The following VWF variants were observed in gnomAD, a reference collection of about 807,000 sequenced individuals.
VWF encodes the protein von Willebrand factor.
A neutral mutation model predicts 308.6 loss-of-function variants in VWF; 176 were observed. The ratio of observed to expected loss-of-function variants is 0.57; its 90% CI spans 0.50 to 0.65. VWF has a LOEUF of 0.65. Ranked by LOEUF, VWF falls within the 30% of genes least tolerant of loss-of-function variation. VWF has a pLI of 0.00. For synonymous variants in VWF, 1,385 were observed against 1,443.4 expected, an observed-to-expected ratio of 0.96 and a Z score of 0.92; for missense variants, 3,146 against 3,648.2, an observed-to-expected ratio of 0.86 and a Z score of 3.55.
At chr12:6,065,680 C>T (rs1489061679) in intron 10 of VWF, among the ~76,000 whole-genome samples, 2 of 152,218 alleles carry the variant, frequency 1.3e-5, no homozygotes, top group Admixed American at 6.5e-5. Flanking sequence ...AGCGGAATGC[C>T]TGGCCAGGGG....
intron 15 of VWF, among the ~76,000 whole-genome samples, chr12:6,056,347 C>T (rs544821897): frequency 2.3e-5 from 3 of 132,814 alleles, no homozygotes; most frequent in African/African-American, 9.0e-5. Flanking sequence ...AATCTAAAGC[C>T]AACTGGGGAC....
intron 41 of VWF, among the ~76,000 whole-genome samples, chr12:5,982,686 G>C (rs953381158): frequency 6.6e-6 from 1 of 152,078 alleles, no homozygotes; most frequent in Non-Finnish European, 1.5e-5. Context: ...GTTTCTTGTC[G>C]TGTCTTATTT....
chr12:6,018,851 C>T lies in VWF; in HGVS notation c.4567G>A (p.Glu1523Lys), dbSNP rs2136412313. 2.5e-6 allele frequency: 4 copies of T among 1,613,964 alleles called. No individual in the cohort carries two copies. Among genetic ancestry groups the T allele is most frequent in the Middle Eastern group, 1.7e-4 (1 of 6,056 alleles). ...CCCACATCCATCCGCTGAATCACCTCCTCCATGAACTCCTTGCTCCTGTTG... is the reference window on the plus strand; with the variant it reads ...CCCACATCCATCCGCTGAATCACCTTCTCCATGAACTCCTTGCTCCTGTTG... The part of the protein sequence containing the change: ...DFNRSKEFME[E>K]VIQRMDVGQD... The change falls in exon 28 of 52, where the codon GAG becomes AAG. Residue 1523 changes from glutamate (E) to lysine (K), a missense_variant. This residue lies in a region of VWF where 853 missense variants were observed against 1,177.8 expected (regional missense o/e 0.72). Transcript: ENST00000261405.
intron 35 of VWF, among the ~76,000 whole-genome samples, chr12:5,995,039 A>T (rs113409162): frequency 6.6e-6 from 1 of 152,164 alleles, no homozygotes; most frequent in African/African-American, 2.4e-5. Flanking sequence ...GTGGTGGTGG[A>T]TATCAGAAAA....
chr12:6,104,197 G>A (rs1300905350), intron 5 of VWF, among the ~76,000 whole-genome samples: 1 of 152,054 alleles, frequency 6.6e-6, no homozygotes, highest in Non-Finnish European at 1.5e-5. Context: ...CTTGTCATGA[G>A]AGAAATGCAA....
intron 47 of VWF, among the ~76,000 whole-genome samples, chr12:5,964,380 T>C (rs915604525): frequency 6.6e-6 from 1 of 151,822 alleles, no homozygotes; most frequent in African/African-American, 2.4e-5. Flanking sequence ...AAACAAATTA[T>C]AGTTCTTTTG....
intron 38 of VWF, among the ~76,000 whole-genome samples, chr12:5,989,697 A>G (rs1206046184): frequency 6.6e-6 from 1 of 152,144 alleles, no homozygotes; most frequent in Admixed American, 6.6e-5. Context: ...CAGAAAGGAG[A>G]AGCAAAGGAT....
chr12:6,055,761 T>TACACACAC (rs35414262), intron 15 of VWF, among the ~76,000 whole-genome samples: 8,673 of 135,180 alleles, frequency 0.064, 476 homozygotes, highest in African/African-American at 0.13. Context: ...TATATATGTA[T>TACACACAC]ACACACACAC....
chr12:6,041,452 G>C (rs1944395048), intron 18 of VWF, among the ~76,000 whole-genome samples: 1 of 150,864 alleles, frequency 6.6e-6, no homozygotes, highest in South Asian at 2.1e-4. Flanking sequence ...AAAAAAAAAA[G>C]AAATTTTTTT....
chr12:6,012,027 G>C, intron 33 of VWF, 60 bp downstream of exon 33: 1 of 1,591,358 alleles, frequency 6.3e-7, no homozygotes, highest in Non-Finnish European at 8.6e-7. Flanking sequence ...TAACCAGTGG[G>C]AACAAGAGCC....
intron 14 of VWF, among the ~76,000 whole-genome samples, chr12:6,057,558 C>T: frequency 6.8e-6 from 1 of 147,038 alleles, no homozygotes; most frequent in Non-Finnish European, 1.5e-5. Context: ...CTACGTTGCC[C>T]AGACTGGTCT....
Position 5,966,110 on chromosome 12 carries a change from T to C in VWF, c.7887+1376A>G, listed in dbSNP as rs141559996. Among the ~76,000 whole-genome samples, 742 of 152,196 alleles carry C rather than the reference T, an allele frequency of 4.9e-3. 5 individuals carry two copies. The highest frequency in any genetic ancestry group is 5.1e-3 in the Non-Finnish European group (349 of 67,998). ...CTGCCCTCCAGAGAGCAGGCTGCAG[T>C]GCCGTCTCCACAGGCTGGCATTGAG... On this transcript the variant is annotated intron_variant, in intron 47 of 51. Transcript: ENST00000261405.
At chr12:6,035,703 C>T (rs1321089644) in intron 19 of VWF, among the ~76,000 whole-genome samples, 2 of 152,224 alleles carry the variant, frequency 1.3e-5, no homozygotes, top group African/African-American at 2.4e-5. Context: ...CTCCAGACCC[C>T]GTGCCCACTG....
rs961576441 is a variant in VWF at position 5,999,694 on chromosome 12, T to C, written c.5843-3472A>G. Among the ~76,000 whole-genome samples, 9 of 152,106 alleles carry C rather than the reference T, an allele frequency of 5.9e-5. No individual in the cohort carries two copies. The East Asian group carries it at 1.7e-3, about 29-fold the overall frequency. ...AAAAAGGAAAAAACAAAAAACAAAA[T>C]GTTATGACATAGAAGAAAACTATGA... On this transcript the variant is annotated intron_variant, in intron 34 of 51. Coordinates refer to ENST00000261405, the MANE Select transcript of VWF (RefSeq NM_000552.5).
At chr12:6,023,970 C>T (rs1218034227) in intron 24 of VWF, among the ~76,000 whole-genome samples, 183 bp from the exon 25 acceptor site, 2 of 152,230 alleles carry the variant, frequency 1.3e-5, no homozygotes, top group African/African-American at 4.8e-5. Context: ...AGTTTCTAAT[C>T]TGCATTCCAG....
chr12:6,027,579 G>A (rs1410982675), intron 22 of VWF, among the ~76,000 whole-genome samples: 1 of 152,044 alleles, frequency 6.6e-6, no homozygotes, highest in Non-Finnish European at 1.5e-5. Flanking sequence ...GACAGAAGCA[G>A]AAAAGGAGAA....
At position 6,052,797 on chromosome 12, in the gene VWF, G is replaced by GACA. The variant is rs10622633; in HGVS notation, c.1946-15_1946-14insTGT. 9 of 1,609,786 alleles carry GACA rather than the reference G, an allele frequency of 5.6e-6. No homozygotes were observed. Among genetic ancestry groups the GACA allele is most frequent in the Non-Finnish European group, 6.8e-6 (8 of 1,178,054 alleles). On this transcript the variant is annotated splice_polypyrimidine_tract_variant and intron_variant, in intron 15 of 51. Coordinates refer to ENST00000261405, the MANE Select transcript of VWF (RefSeq NM_000552.5). The stretch of plus-strand genomic sequence containing the variant: ...GGCAGTTCAGCTCTAGAAGAGAGAG[G>GACA]AGAAGTAAGGCCTCAGCGGGAATGT...
intron 37 of VWF, among the ~76,000 whole-genome samples, chr12:5,993,634 T>TGC: frequency 1.5e-5 from 1 of 64,742 alleles, no homozygotes; most frequent in Non-Finnish European, 3.0e-5. Flanking sequence ...TACATATATA[T>TGC]GTGTGTGTGT....
chr12:6,049,872 C>G (rs1177447078), intron 16 of VWF, among the ~76,000 whole-genome samples: 2 of 152,174 alleles, frequency 1.3e-5, no homozygotes, highest in Non-Finnish European at 1.5e-5. Context: ...TTTTTACTGG[C>G]CTTTGACCTT....
Sources: allele counts gnomAD v4.1 joint callset (sites outside exome capture counted in the v4.1 genomes callset), GRCh38; gene constraint gnomAD v4.1.1; regional missense constraint gnomAD v4.1.1; transcripts MANE v1.5; gene names NCBI Gene and HGNC (gene_info 2026-07-23, HGNC 2026-07-21).